SOX5: variants seen among roughly 807,000 people sequenced by gnomAD.
SOX5 encodes SRY-box transcription factor 5, also known as transcription factor SOX-5.
Under a neutral mutation model 92.0 loss-of-function variants are expected in SOX5, and 9 were observed. The ratio of observed to expected loss-of-function variants is 0.10; its 90% CI spans 0.06 to 0.17. The LOEUF (loss-of-function observed/expected upper bound fraction) is 0.17. Among genes scored for constraint, SOX5 ranks in the 10% least tolerant of loss-of-function variants. SOX5 has a pLI of 1.00. For missense variants in SOX5, 642 were observed against 944.5 expected (o/e 0.68, Z 4.20); for synonymous variants, 344 against 336.3 (o/e 1.02, Z -0.25).
At chr12:23,777,365 T>G (rs944056656) in intron 3 of SOX5, among the ~76,000 whole-genome samples, 3 of 152,198 alleles carry the variant, frequency 2.0e-5, no homozygotes, top group African/African-American at 7.2e-5. Flanking sequence ...TAGATCTAAT[T>G]AAATATATTA....
At chr12:23,582,208 C>T in intron 9 of SOX5, 1 of 985,180 alleles carries the variant, frequency 1.0e-6, no homozygotes, top group Non-Finnish European at 1.2e-6. Flanking sequence ...TCGTCTTCTA[C>T]CTCTATGGAC....
chr12:23,833,456 A>G (rs927946982), intron 3 of SOX5, among the ~76,000 whole-genome samples: 1 of 152,034 alleles, frequency 6.6e-6, no homozygotes, highest in Non-Finnish European at 1.5e-5. Flanking sequence ...ACATTTTTCA[A>G]AAATCAAGCC....
chr12:24,499,847 T>C (rs1281278275), intron 1 of SOX5, among the ~76,000 whole-genome samples: 1 of 151,130 alleles, frequency 6.6e-6, no homozygotes, highest in Admixed American at 6.6e-5. Context: ...GAACAGAAAG[T>C]ACAATGTTAC....
chr12:23,887,524 C>T (rs2097081225), intron 2 of SOX5, among the ~76,000 whole-genome samples: 1 of 152,196 alleles, frequency 6.6e-6, no homozygotes, highest in Non-Finnish European at 1.5e-5. Context: ...GACCACCTAT[C>T]CATGCCACAA....
chr12:24,510,904 A>G (rs1450812193), intron 1 of SOX5, among the ~76,000 whole-genome samples: 1 of 152,204 alleles, frequency 6.6e-6, no homozygotes, highest in African/African-American at 2.4e-5. Context: ...GAAAGGGGGA[A>G]TGGAGGAAGA....
intron 2 of SOX5, among the ~76,000 whole-genome samples, chr12:24,362,054 A>G (rs1018717693): frequency 1.3e-5 from 2 of 152,170 alleles, no homozygotes; most frequent in East Asian, 3.8e-4. Flanking sequence ...TTTCTGTCCT[A>G]TTTCCTCTAG....
At chr12:24,071,621 A>C (rs1941796110) in intron 4 of SOX5, among the ~76,000 whole-genome samples, 1 of 152,006 alleles carries the variant, frequency 6.6e-6, no homozygotes, top group Non-Finnish European at 1.5e-5. Context: ...TTTTTAGTAG[A>C]GACGGGGTTT....
intron 3 of SOX5, among the ~76,000 whole-genome samples, chr12:24,220,635 C>T (rs1391525066): frequency 6.6e-6 from 1 of 152,096 alleles, no homozygotes; most frequent in Non-Finnish European, 1.5e-5. Context: ...CCCCTCATAC[C>T]CAGTCTTCCA....
At chr12:23,582,497 T>C (rs1950184409) in intron 9 of SOX5, among the ~76,000 whole-genome samples, 1 of 152,178 alleles carries the variant, frequency 6.6e-6, no homozygotes, top group South Asian at 2.1e-4. Flanking sequence ...AACTCCTTAT[T>C]AGTAGGTTCC....
Position 24,254,010 on chromosome 12 carries a change from G to C in SOX5, c.-77+23206C>G, listed in dbSNP as rs887352574. Among the ~76,000 whole-genome samples, 6 of 152,106 alleles carry C rather than the reference G, an allele frequency of 3.9e-5. No homozygotes were observed. In the South Asian group the frequency reaches 1.2e-3, roughly 32 times the overall value. On this transcript the variant is annotated intron_variant, in intron 3 of 4. Coordinates refer to the SOX5 transcript ENST00000446891. ...GAAAGAATTGAGTGAATTAGTGTAAGGGCTTAGAACAGTTCCTGACTCACA... is the reference window on the plus strand; with the variant it reads ...GAAAGAATTGAGTGAATTAGTGTAACGGCTTAGAACAGTTCCTGACTCACA...
intron 1 of SOX5, among the ~76,000 whole-genome samples, chr12:24,490,119 T>C (rs11616126): frequency 0.029 from 4,405 of 152,306 alleles, 79 homozygotes; most frequent in Middle Eastern, 0.054. Context: ...ATTTGGGTGA[T>C]AAAACAATGA....
intron 4 of SOX5, among the ~76,000 whole-genome samples, chr12:23,984,608 G>A (rs1409049206): frequency 2.6e-5 from 4 of 152,126 alleles, no homozygotes; most frequent in Non-Finnish European, 5.9e-5. Context: ...GGATAGAGAT[G>A]TATAATCTGT....
In SOX5 at chr12:24,393,334, G is replaced by A. The variant is rs1566057846; in HGVS notation, c.-250-24695C>T. On this transcript the variant is annotated intron_variant, in intron 1 of 4. Transcript: ENST00000446891. The surrounding 1 kb of genome is among the most constrained non-coding windows in gnomAD (Gnocchi z 5.0). ...GCAGCAACAGCTGCTGCAAAATCATGCTGCTGACTTTTTGGGTTGTGGTCT... is the reference window on the plus strand; with the variant it reads ...GCAGCAACAGCTGCTGCAAAATCATACTGCTGACTTTTTGGGTTGTGGTCT... Among the ~76,000 whole-genome samples the A allele has an allele frequency of 6.6e-6, 1 of 152,180 alleles. No homozygotes were observed. Among genetic ancestry groups the A allele is most frequent in the Non-Finnish European group, 1.5e-5 (1 of 68,032 alleles).
At chr12:23,865,200 T>G (rs2096797801) in intron 2 of SOX5, among the ~76,000 whole-genome samples, 1 of 152,166 alleles carries the variant, frequency 6.6e-6, no homozygotes, top group Non-Finnish European at 1.5e-5. Context: ...GAGACCTACT[T>G]CACAAAAAGA....
chr12:24,544,097 C>T (rs916459603), intron 1 of SOX5, among the ~76,000 whole-genome samples: 3 of 152,084 alleles, frequency 2.0e-5, no homozygotes, highest in African/African-American at 4.8e-5. Flanking sequence ...TTAAAGCAAC[C>T]AGTATCTCAT....
intron 1 of SOX5, among the ~76,000 whole-genome samples, chr12:24,404,731 T>C (rs1962519164): frequency 6.6e-6 from 1 of 152,186 alleles, no homozygotes; most frequent in African/African-American, 2.4e-5. Context: ...TGTGCGACTT[T>C]GAAGTAATTG....
rs1019711913 is a variant in SOX5 at position 23,737,549 on chromosome 12, C to CAT, written c.742-2799_742-2798dup. The stretch of plus-strand genomic sequence containing the variant: ...TGCGAGACTCCATCTCAAACATATA[C>CAT]ATATATATATGTATAGTCATGCTAG... On this transcript the variant is annotated intron_variant, in intron 5 of 14. Coordinates refer to ENST00000451604, the MANE Select transcript of SOX5 (RefSeq NM_006940.6). Among the ~76,000 whole-genome samples the CAT allele has an allele frequency of 7.2e-5, 11 of 151,994 alleles. No individual in the cohort carries two copies. The East Asian group carries it at 7.7e-4, about 11-fold the overall frequency.
At chr12:23,956,707 A>T (rs11047171) in intron 4 of SOX5, among the ~76,000 whole-genome samples, 36,530 of 151,092 alleles carry the variant, frequency 0.24, 4,638 homozygotes, top group Middle Eastern at 0.29. Flanking sequence ...GGGGAGGGGG[A>T]CAGAGTCTCA....
intron 1 of SOX5, among the ~76,000 whole-genome samples, chr12:23,935,209 T>C (rs1295674193): frequency 6.6e-6 from 1 of 151,232 alleles, no homozygotes; most frequent in Non-Finnish European, 1.5e-5. Flanking sequence ...TCATATCTAA[T>C]TGAGTTTTCT....
Sources: gnomAD v4.1 joint callset for allele counts (sites outside exome capture counted in the v4.1 genomes callset) on GRCh38, gnomAD v4.1.1 for gene constraint, Gnocchi (gnomAD v3.1) non-coding constraint, MANE v1.5 for transcripts, NCBI Gene and HGNC (gene_info 2026-07-23, HGNC 2026-07-21) for gene names.